The following NFIB variants were observed in gnomAD, a reference collection of about 807,000 sequenced individuals.
NFIB encodes the protein nuclear factor I B.
A neutral mutation model predicts 61.5 loss-of-function variants in NFIB; 11 were observed. That is an observed-to-expected ratio of 0.18 (90% CI 0.11 to 0.30). The LOEUF (loss-of-function observed/expected upper bound fraction) is 0.30, where lower values mean the gene tolerates loss of function less well. Ranked by LOEUF, NFIB falls within the 10% of genes least tolerant of loss-of-function variation. The probability of loss-of-function intolerance (pLI) is 1.00; values close to 1 mark genes in which losing one functional copy is unlikely to be tolerated. For synonymous variants in NFIB, 260 were observed against 216.5 expected, an observed-to-expected ratio of 1.20 and a Z score of -1.76; for missense variants, 471 against 608.9, an observed-to-expected ratio of 0.77 and a Z score of 2.38.
chr9:14,111,045 C>A (rs1246032062), intron 10 of NFIB, among the ~76,000 whole-genome samples: 2 of 152,008 alleles, frequency 1.3e-5, no homozygotes, highest in African/African-American at 2.4e-5. Flanking sequence ...GTTGACTGAA[C>A]AAAACGTATT....
chr9:14,209,589 A>T (rs973869776), intron 2 of NFIB, among the ~76,000 whole-genome samples: 2 of 152,240 alleles, frequency 1.3e-5, no homozygotes, highest in African/African-American at 4.8e-5. Flanking sequence ...TTATGAATGA[A>T]ACAGCAGGCA....
chr9:14,221,451 T>C (rs1009846042), intron 2 of NFIB, among the ~76,000 whole-genome samples: 1 of 152,214 alleles, frequency 6.6e-6, no homozygotes, highest in East Asian at 1.9e-4. Flanking sequence ...ATGTGCATTA[T>C]TATTAGCTCC....
At chr9:14,097,868 C>CTTTTTTAT in intron 10 of NFIB, among the ~76,000 whole-genome samples, 1 of 121,002 alleles carries the variant, frequency 8.3e-6, no homozygotes, top group Non-Finnish European at 1.8e-5. Flanking sequence ...TTCTTTCTTT[C>CTTTTTTAT]TTTTTTCTTT....
chr9:14,182,235 C>T (rs761416002), intron 2 of NFIB, among the ~76,000 whole-genome samples: 28 of 152,160 alleles, frequency 1.8e-4, no homozygotes, highest in Non-Finnish European at 3.1e-4. Context: ...AAATTTGAGG[C>T]ACACATTGGC....
At chr9:14,146,183 G>A (rs1421381885) in intron 6 of NFIB, among the ~76,000 whole-genome samples, 2 of 152,084 alleles carry the variant, frequency 1.3e-5, no homozygotes, top group African/African-American at 4.8e-5. Context: ...TATCTAGAAA[G>A]CATAGCTAGA....
the NFIB span, among the ~76,000 whole-genome samples, chr9:14,464,466 G>A: frequency 6.6e-6 from 1 of 152,156 alleles, no homozygotes; most frequent in Non-Finnish European, 1.5e-5. Flanking sequence ...AAGGCTTTAT[G>A]GTGGTGGTAA....
chr9:14,452,443 A>AAAGGG, the NFIB span, among the ~76,000 whole-genome samples: 27 of 25,586 alleles, frequency 1.1e-3, 1 homozygote, highest in East Asian at 0.026. Flanking sequence ...GAGGGGAAGG[A>AAAGGG]AAGGAAAGGA....
chr9:14,347,037 C>A (rs958662234), intron 1 of NFIB, among the ~76,000 whole-genome samples: 1 of 151,884 alleles, frequency 6.6e-6, no homozygotes, highest in African/African-American at 2.4e-5. Flanking sequence ...GGCCAGGGAG[C>A]CCCTGGCCCC....
chr9:14,186,096 T>A (rs2047307821), intron 2 of NFIB, among the ~76,000 whole-genome samples: 1 of 152,226 alleles, frequency 6.6e-6, no homozygotes, highest in Non-Finnish European at 1.5e-5. Flanking sequence ...TGGAAAAGCA[T>A]AATTTTAATT....
At chr9:14,523,508 G>C in the NFIB span, among the ~76,000 whole-genome samples, 16 of 152,116 alleles carry the variant, frequency 1.1e-4, no homozygotes, top group African/African-American at 3.9e-4. Context: ...GCCCATGCCA[G>C]AGACCTTCCC....
intron 1 of NFIB, among the ~76,000 whole-genome samples, chr9:14,360,606 G>A (rs1325402832): frequency 2.7e-5 from 4 of 150,386 alleles, no homozygotes; most frequent in East Asian, 2.0e-4. Context: ...GTGCAGTGGC[G>A]CGATCTCGGC....
At chr9:14,419,136 C>G in the NFIB span, among the ~76,000 whole-genome samples, 4 of 151,686 alleles carry the variant, frequency 2.6e-5, no homozygotes, top group East Asian at 7.8e-4. Context: ...AGGTTTGTTG[C>G]ACTAAAGTGG....
At chr9:14,489,780 ATATAT>A in the NFIB span, among the ~76,000 whole-genome samples, 4 of 151,960 alleles carry the variant, frequency 2.6e-5, no homozygotes, top group Admixed American at 6.6e-5. Flanking sequence ...ATCTATACAC[ATATAT>A]TATTTTATAC....
intron 1 of NFIB, among the ~76,000 whole-genome samples, chr9:14,352,065 A>G (rs901604927): frequency 5.9e-5 from 9 of 152,204 alleles, no homozygotes; most frequent in African/African-American, 1.9e-4. Flanking sequence ...CAGACCACGT[A>G]CCATGCCAGA....
upstream of NFIB, among the ~76,000 whole-genome samples, chr9:14,315,457 C>CCCCGGGG (rs1156705167): frequency 2.0e-5 from 3 of 148,780 alleles, no homozygotes. Context: ...AATCCCCACC[C>CCCCGGGG]CCCGGGGCCC....
At chr9:14,322,426 G>C (rs2060685171) in intron 1 of NFIB, 1 of 233,460 alleles carries the variant, frequency 4.3e-6, no homozygotes, top group Admixed American at 5.6e-5. Context: ...ACGGCCCCGG[G>C]GTCGCGCGAT....
At chr9:14,227,169 T>G (rs4741352) in intron 2 of NFIB, among the ~76,000 whole-genome samples, 1 of 149,228 alleles carries the variant, frequency 6.7e-6, no homozygotes, top group Non-Finnish European at 1.5e-5. Context: ...GAAAGAAAAG[T>G]AAAGTAAAAG....
intron 2 of NFIB, chr9:14,204,550 G>A (rs1214335237): frequency 1.0e-5 from 14 of 1,365,480 alleles, no homozygotes; most frequent in African/African-American, 1.4e-5. Flanking sequence ...TGCCCCACAA[G>A]TACAGACCAG....
intron 2 of NFIB, among the ~76,000 whole-genome samples, chr9:14,284,651 C>T (rs887851511): frequency 3.9e-5 from 6 of 152,130 alleles, no homozygotes; most frequent in African/African-American, 1.2e-4. Flanking sequence ...ACTTTCATAA[C>T]AGAAAGAGCC....
Sources: gnomAD v4.1 joint callset for allele counts (sites outside exome capture counted in the v4.1 genomes callset) on GRCh38, gnomAD v4.1.1 for gene constraint, MANE v1.5 for transcripts, NCBI Gene and HGNC (gene_info 2026-07-23, HGNC 2026-07-21) for gene names.